SLC4A4: variants seen among roughly 807,000 people sequenced by gnomAD.
SLC4A4 encodes the protein solute carrier family 4 member 4, also known as electrogenic sodium bicarbonate cotransporter 1.
A neutral mutation model predicts 111.5 loss-of-function variants in SLC4A4; 27 were observed. The ratio of observed to expected loss-of-function variants is 0.24; its 90% CI spans 0.18 to 0.33. SLC4A4 has a LOEUF of 0.33. Ranked by LOEUF, SLC4A4 falls within the 10% of genes least tolerant of loss-of-function variation. SLC4A4 has a pLI of 1.00. For missense variants in SLC4A4, 909 were observed against 1,315.5 expected (o/e 0.69, Z 4.78); for synonymous variants, 443 against 463.4 (o/e 0.96, Z 0.57).
At chr4:71,204,288 A>G (rs941318324) in intron 1 of SLC4A4, among the ~76,000 whole-genome samples, 1 of 152,112 alleles carries the variant, frequency 6.6e-6, no homozygotes, top group African/African-American at 2.4e-5. Flanking sequence ...AATTGCCACA[A>G]CCCCCATGTG....
chr4:71,105,425 A>G (rs1742880872), intron 2 of SLC4A4, among the ~76,000 whole-genome samples: 2 of 151,280 alleles, frequency 1.3e-5, no homozygotes, highest in Non-Finnish European at 2.9e-5. Flanking sequence ...AAACTACTTT[A>G]AAGTTCATAT....
At chr4:71,308,741 A>G (rs950922453) in intron 3 of SLC4A4, among the ~76,000 whole-genome samples, 1 of 152,156 alleles carries the variant, frequency 6.6e-6, no homozygotes, top group Non-Finnish European at 1.5e-5. Flanking sequence ...TTGTGTGCCT[A>G]CACCACCAGG....
chr4:71,168,577 C>A (rs1041802853), intron 2 of SLC4A4, among the ~76,000 whole-genome samples: 3 of 151,528 alleles, frequency 2.0e-5, no homozygotes, highest in Non-Finnish European at 4.4e-5. Context: ...TTTTTTGTAC[C>A]CATTAGCCCT....
chr4:71,465,090 A>C (rs571823978), intron 12 of SLC4A4, among the ~76,000 whole-genome samples: 1 of 152,174 alleles, frequency 6.6e-6, no homozygotes, highest in East Asian at 1.9e-4. Context: ...GGGACACTGC[A>C]GATTCCCCAG....
chr4:71,134,455 A>C (rs1743791493), intron 2 of SLC4A4, among the ~76,000 whole-genome samples: 1 of 152,252 alleles, frequency 6.6e-6, no homozygotes, highest in South Asian at 2.1e-4. Flanking sequence ...TAAAGGGAGA[A>C]AGCTCTTTGG....
chr4:71,440,747 C>T lies in SLC4A4; in HGVS notation c.939C>T (p.Ala313=), dbSNP rs1350396646. The stretch of plus-strand genomic sequence containing the variant: ...TACAGCAGGCTGTCATGCTGGGTGC[C>T]CTGACTGAAGTTCCTGTGCCCACAA... ...VRLQQAVMLG[A]LTEVPVPTRF... The change falls in exon 8 of 26, where the codon GCC becomes GCT. Residue 313 remains alanine (A), a synonymous_variant. Transcript: ENST00000264485. The T allele has an allele frequency of 3.1e-6, 5 of 1,613,976 alleles. No individual in the cohort carries two copies. Among genetic ancestry groups the T allele is most frequent in the African/African-American group, 1.3e-5 (1 of 74,902 alleles).
At chr4:71,335,191 C>T (rs1448191514) in intron 3 of SLC4A4, among the ~76,000 whole-genome samples, 1 of 152,088 alleles carries the variant, frequency 6.6e-6, no homozygotes, top group Non-Finnish European at 1.5e-5. Flanking sequence ...TATAGCAAAC[C>T]TGCACATGTA....
intron 7 of SLC4A4, 99 bp downstream of exon 7, chr4:71,397,752 A>G: frequency 9.6e-7 from 1 of 1,038,984 alleles, no homozygotes; most frequent in Non-Finnish European, 1.5e-6. Context: ...CTTAAAATGG[A>G]CCTTTACGTG....
At chr4:71,082,899 A>G (rs904919509) in intron 1 of SLC4A4, among the ~76,000 whole-genome samples, 1 of 150,794 alleles carries the variant, frequency 6.6e-6, no homozygotes, top group Non-Finnish European at 1.5e-5. Context: ...TGTCACCCAG[A>G]CTGGAGTGCA....
Position 71,568,760 on chromosome 4 carries a change from A to G in SLC4A4, c.*1009A>G, listed in dbSNP as rs1344323489. On this transcript the variant is annotated 3_prime_UTR_variant, in exon 26 of 26. Transcript: ENST00000264485. ...TTGTATTGTATATAATGTGATTTTT[A>G]CACATACATACACACACAAATACAC... 3.3e-5 allele frequency: 5 copies of G among 152,162 alleles called. No individual in the cohort carries two copies. The highest frequency in any genetic ancestry group is 7.4e-5 in the Non-Finnish European group (5 of 67,826). 9.4% of individuals were successfully genotyped at this position (152,162 alleles called of 1,614,324 possible).
chr4:71,497,005 G>T (rs1730470893), intron 15 of SLC4A4, among the ~76,000 whole-genome samples: 1 of 152,088 alleles, frequency 6.6e-6, no homozygotes, highest in South Asian at 2.1e-4. Context: ...ATTTAGAAAA[G>T]AAACAGAATA....
At chr4:71,538,210 T>G (rs938694061) in intron 18 of SLC4A4, among the ~76,000 whole-genome samples, 4 of 152,160 alleles carry the variant, frequency 2.6e-5, no homozygotes, top group African/African-American at 9.6e-5. Context: ...TAATTTTTAC[T>G]CACTATGTTT....
At chr4:71,455,765 G>A (rs968166189) in intron 12 of SLC4A4, among the ~76,000 whole-genome samples, 2 of 152,074 alleles carry the variant, frequency 1.3e-5, no homozygotes, top group African/African-American at 4.8e-5. Flanking sequence ...GAATTGAATT[G>A]TAATTCTTTG....
chr4:71,085,214 T>G (rs1578463122), intron 1 of SLC4A4, among the ~76,000 whole-genome samples: 1 of 152,102 alleles, frequency 6.6e-6, no homozygotes, highest in South Asian at 2.1e-4. Context: ...TTTTGAAAAG[T>G]GTCTGTTCAT....
intron 7 of SLC4A4, among the ~76,000 whole-genome samples, chr4:71,425,179 C>T (rs916838336): frequency 3.3e-5 from 5 of 152,070 alleles, no homozygotes. Context: ...AAGCCCTGTC[C>T]TCAGCTCAAC....
intron 6 of SLC4A4, among the ~76,000 whole-genome samples, chr4:71,371,290 C>A: frequency 7.4e-6 from 1 of 134,790 alleles, no homozygotes; most frequent in Admixed American, 8.4e-5. Flanking sequence ...GTTTCCCAGG[C>A]TAGAGTGCAG....
intron 3 of SLC4A4, among the ~76,000 whole-genome samples, chr4:71,287,480 G>A (rs1020148107): frequency 5.3e-5 from 8 of 152,148 alleles, no homozygotes; most frequent in African/African-American, 1.4e-4. Context: ...TTGGTGTTTC[G>A]TTTATGGGCT....
At chr4:71,522,162 A>G (rs1344162688) in intron 16 of SLC4A4, among the ~76,000 whole-genome samples, 1 of 152,172 alleles carries the variant, frequency 6.6e-6, no homozygotes. Context: ...TCCTTTTTAA[A>G]GGGGTGTATC....
At chr4:71,562,009 C>T (rs1737020614) in intron 23 of SLC4A4, among the ~76,000 whole-genome samples, 1 of 151,770 alleles carries the variant, frequency 6.6e-6, no homozygotes, top group Non-Finnish European at 1.5e-5. Context: ...TTTAAATGTA[C>T]TGCTCTCTAG....
Sources: gnomAD v4.1 joint callset for allele counts (sites outside exome capture counted in the v4.1 genomes callset) on GRCh38, gnomAD v4.1.1 for gene constraint, MANE v1.5 for transcripts, NCBI Gene and HGNC (gene_info 2026-07-23, HGNC 2026-07-21) for gene names.